The following WHRN variants were observed in gnomAD, a reference collection of about 807,000 sequenced individuals.
WHRN encodes whirlin, also known as CASK-interacting protein CIP98.
In WHRN, 41 loss-of-function variants were observed where a neutral mutation model predicts 68.3. That is an observed-to-expected ratio of 0.60 (90% CI 0.47 to 0.78). WHRN has a LOEUF of 0.78. WHRN is among the 30% of genes least tolerant of loss of function. The pLI, the probability that WHRN is intolerant of heterozygous loss-of-function variation, is 0.00. For synonymous variants in WHRN, 560 were observed against 561.3 expected, an observed-to-expected ratio of 1.00 and a Z score of 0.03; for missense variants, 1,243 against 1,244.7, an observed-to-expected ratio of 1.00 and a Z score of 0.02.
At chr9:114,451,886 C>T (rs1472403247) in intron 3 of WHRN, among the ~76,000 whole-genome samples, 3 of 152,214 alleles carry the variant, frequency 2.0e-5, no homozygotes, top group South Asian at 2.1e-4. Context: ...TGGGCTTCAG[C>T]TGCCCATCTG....
intron 3 of WHRN, among the ~76,000 whole-genome samples, chr9:114,452,739 A>G (rs1839443990): frequency 6.6e-6 from 1 of 152,190 alleles, no homozygotes; most frequent in Non-Finnish European, 1.5e-5. Flanking sequence ...CTCTCTGGAC[A>G]TTAGGTGCCA....
intron 2 of WHRN, among the ~76,000 whole-genome samples, chr9:114,470,471 G>A (rs1446152881): frequency 1.3e-5 from 2 of 152,176 alleles, no homozygotes; most frequent in Non-Finnish European, 2.9e-5. Context: ...CAGGCTAAGA[G>A]GCTGGGCTAT....
intron 10 of WHRN, 22 bp from the exon 11 acceptor site, chr9:114,403,361 C>A: frequency 6.2e-7 from 1 of 1,613,774 alleles, no homozygotes; most frequent in Non-Finnish European, 8.5e-7. Flanking sequence ...AGGAAGGACA[C>A]CACTGAGGCC....
intron 3 of WHRN, among the ~76,000 whole-genome samples, chr9:114,426,989 G>C (rs1254351419): frequency 2.0e-5 from 3 of 152,328 alleles, no homozygotes; most frequent in Middle Eastern, 3.4e-3. Context: ...TTTCTGGCAG[G>C]TACAGTGGCT....
At chr9:114,491,669 G>A (rs1564226823) in intron 1 of WHRN, 2 of 243,036 alleles carry the variant, frequency 8.2e-6, no homozygotes, top group Non-Finnish European at 8.7e-6. Context: ...GCCGCCACCC[G>A]CAAGCAGAGG....
chr9:114,445,808 G>A (rs932800740), intron 3 of WHRN, among the ~76,000 whole-genome samples: 5 of 152,148 alleles, frequency 3.3e-5, no homozygotes, highest in Admixed American at 6.5e-5. Context: ...GCTTGGAGGC[G>A]TTTAATCTCC....
At chr9:114,459,754 C>A (rs1840096139) in intron 3 of WHRN, among the ~76,000 whole-genome samples, 1 of 152,206 alleles carries the variant, frequency 6.6e-6, no homozygotes, top group African/African-American at 2.4e-5. Context: ...TGTTTCTGCA[C>A]CAGACACTCG....
At chr9:114,437,995 T>G (rs1838012640) in intron 3 of WHRN, among the ~76,000 whole-genome samples, 1 of 152,196 alleles carries the variant, frequency 6.6e-6, no homozygotes, top group Non-Finnish European at 1.5e-5. Context: ...CCATTAAATA[T>G]ATGAGAAGAT....
Position 114,505,150 on chromosome 9 carries a change from C to T in WHRN, c.-349G>A. ...GTCAGCAGCTACATTCTGGAGGGCA[C>T]GGAGACGACGGGTGGCTGGAGTTTG... On this transcript the variant is annotated 5_prime_UTR_variant, in exon 1 of 12. The change creates a new upstream start codon in the 5' untranslated region. Coordinates refer to ENST00000362057, the MANE Select transcript of WHRN (RefSeq NM_015404.4). 1 of 238,350 alleles carries T rather than the reference C, an allele frequency of 4.2e-6. No individual in the cohort carries two copies. Among genetic ancestry groups the T allele is most frequent in the Non-Finnish European group, 8.0e-6 (1 of 125,182 alleles). The allele number at this position is 238,350 out of a possible 1,614,324, so 14.8% of individuals were successfully genotyped here.
At chr9:114,415,713 C>A (rs1835768794) in intron 7 of WHRN, among the ~76,000 whole-genome samples, 1 of 152,200 alleles carries the variant, frequency 6.6e-6, no homozygotes, top group African/African-American at 2.4e-5. Context: ...CAGCCCCTGG[C>A]AGGCAGGAGA....
intron 2 of WHRN, among the ~76,000 whole-genome samples, chr9:114,472,278 C>A (rs1026620886): frequency 6.6e-6 from 1 of 152,190 alleles, no homozygotes; most frequent in Non-Finnish European, 1.5e-5. Context: ...AGCCATCTCA[C>A]TCAGAGGAAA....
chr9:114,485,889 C>G (rs1197472605), intron 1 of WHRN, among the ~76,000 whole-genome samples: 1 of 151,936 alleles, frequency 6.6e-6, no homozygotes, highest in African/African-American at 2.4e-5. Flanking sequence ...TGGTGTGCAC[C>G]TGCAGTCCTA....
intron 2 of WHRN, among the ~76,000 whole-genome samples, chr9:114,476,542 C>G (rs1399430103): frequency 2.0e-5 from 3 of 152,120 alleles, no homozygotes; most frequent in African/African-American, 7.2e-5. Flanking sequence ...CTACCCGGCT[C>G]CTGATTTCAC....
chr9:114,468,056 C>A (rs1335740239), intron 2 of WHRN, among the ~76,000 whole-genome samples: 3 of 152,198 alleles, frequency 2.0e-5, no homozygotes, highest in Admixed American at 6.5e-5. Context: ...AGGTGGTGAA[C>A]AAGAGAGACT....
At chr9:114,412,826 T>A (rs1835545343) in intron 7 of WHRN, among the ~76,000 whole-genome samples, 1 of 152,184 alleles carries the variant, frequency 6.6e-6, no homozygotes, top group African/African-American at 2.4e-5. Flanking sequence ...CTCCCCTGCA[T>A]GATGTCAAAG....
intron 1 of WHRN, 83 bp downstream of exon 1, chr9:114,504,101 G>A (rs1844173258): frequency 6.2e-7 from 1 of 1,600,290 alleles, no homozygotes; most frequent in Admixed American, 1.7e-5. Context: ...ATTCATCTAA[G>A]GACACACAGC....
chr9:114,460,667 G>T (rs1840171969), intron 3 of WHRN, among the ~76,000 whole-genome samples: 1 of 152,114 alleles, frequency 6.6e-6, no homozygotes, highest in Non-Finnish European at 1.5e-5. Flanking sequence ...CTGAGAACCT[G>T]CCTGACCCCC....
At chr9:114,404,563 G>A (rs1482768387) in intron 9 of WHRN, among the ~76,000 whole-genome samples, 1 of 152,150 alleles carries the variant, frequency 6.6e-6, no homozygotes, top group Non-Finnish European at 1.5e-5. Context: ...CCTGAGCCGA[G>A]TGGTGGGCAC....
chr9:114,469,706 G>A (rs1841036099), intron 2 of WHRN, among the ~76,000 whole-genome samples: 2 of 152,228 alleles, frequency 1.3e-5, no homozygotes, highest in South Asian at 4.1e-4. Flanking sequence ...TGCCAGTGTT[G>A]ACCCCAGGGC....
Sources: allele counts gnomAD v4.1 joint callset (sites outside exome capture counted in the v4.1 genomes callset), GRCh38; gene constraint gnomAD v4.1.1; transcripts MANE v1.5; gene names NCBI Gene and HGNC (gene_info 2026-07-23, HGNC 2026-07-21).